SRGAP1: variants seen among roughly 807,000 people sequenced by gnomAD.
The protein encoded by SRGAP1 is SLIT-ROBO Rho GTPase-activating protein 1.
In SRGAP1, 43 loss-of-function variants were observed where a neutral mutation model predicts 121.9. That is an observed-to-expected ratio of 0.35 (90% CI 0.28 to 0.46). The LOEUF (loss-of-function observed/expected upper bound fraction) is 0.46. SRGAP1 is among the 20% of genes least tolerant of loss of function. The pLI, the probability that SRGAP1 is intolerant of heterozygous loss-of-function variation, is 1.00. For missense variants in SRGAP1, 1,102 were observed against 1,350.9 expected (o/e 0.82, Z 2.89); for synonymous variants, 447 against 485.4 (o/e 0.92, Z 1.04).
intron 1 of SRGAP1, among the ~76,000 whole-genome samples, chr12:63,867,794 C>T (rs898134116): frequency 6.6e-6 from 1 of 151,382 alleles, no homozygotes; most frequent in Non-Finnish European, 1.5e-5. Context: ...CACTCATTTC[C>T]AAATAAGTTG....
intron 1 of SRGAP1, among the ~76,000 whole-genome samples, chr12:63,866,402 A>C (rs963527653): frequency 5.3e-5 from 8 of 152,186 alleles, no homozygotes; most frequent in Non-Finnish European, 8.8e-5. Context: ...CTTGAATATC[A>C]CTCGAATCTG....
chr12:64,127,911 C>T lies in SRGAP1; in HGVS notation c.2591C>T (p.Thr864Ile), dbSNP rs2036721807. 4 of 1,614,118 alleles carry T rather than the reference C, an allele frequency of 2.5e-6. No individual in the cohort carries two copies. Among genetic ancestry groups the T allele is most frequent in the Non-Finnish European group, 3.4e-6 (4 of 1,179,986 alleles). Residue 864 changes from threonine (T) to isoleucine (I), a missense_variant, in exon 21 of 22, where the codon ACC becomes ATC. Thr to Ile is a moderately conservative substitution (Grantham distance 89, BLOSUM62 -1). Around this residue, in one of 3 missense-constraint regions of SRGAP1, gnomAD observed 315 missense variants for 343.1 expected, o/e 0.92. Transcript: ENST00000355086. ...CCTCCAGTAAGGCGTCCTGGCAGGA[C>T]CAGTGATGGCCATTGCCCGCTCCAC... Reference protein sequence around the residue: ...PPPPVRRPGRTSDGHCPLHPP... With the variant: ...PPPPVRRPGRISDGHCPLHPP...
chr12:63,868,079 GTTTT>G, intron 1 of SRGAP1, among the ~76,000 whole-genome samples: 1 of 63,474 alleles, frequency 1.6e-5, no homozygotes, highest in African/African-American at 6.4e-5. Context: ...TTTTTTTTTT[GTTTT>G]TTTTTTTTTG....
chr12:64,087,011 A>G lies in SRGAP1; in HGVS notation c.1421A>G (p.Glu474Gly), dbSNP rs772713270. Residue 474 changes from glutamate (E) to glycine (G), a missense_variant, in exon 11 of 22, where the codon GAA becomes GGA. By Grantham distance (98) the Glu-to-Gly change is moderately conservative. Transcript: ENST00000355086. ...QRTLGEGHRA[E>G]YMTTRPPNVP... ...TTTTTTCCTGCAGGTCATAGAGCTG[A>G]ATATATGACTACAAGGTAGGAAAAT... 4 of 1,595,478 alleles carry G rather than the reference A, an allele frequency of 2.5e-6. No individual in the cohort carries two copies. Among genetic ancestry groups the G allele is most frequent in the Middle Eastern group, 1.8e-4 (1 of 5,682 alleles).
At chr12:64,132,483 C>A (rs1183221540) in intron 21 of SRGAP1, among the ~76,000 whole-genome samples, 3 of 152,184 alleles carry the variant, frequency 2.0e-5, no homozygotes, top group African/African-American at 7.2e-5. Flanking sequence ...CGTGTTGCCT[C>A]CAAAATCCAA....
At chr12:63,974,392 G>A (rs2033037955) in intron 1 of SRGAP1, among the ~76,000 whole-genome samples, 1 of 152,046 alleles carries the variant, frequency 6.6e-6, no homozygotes, top group Non-Finnish European at 1.5e-5. Context: ...ACAAATGAAG[G>A]TATTGTAATG....
intron 10 of SRGAP1, chr12:64,082,001 C>CTTTTTTTTTTTTTATTTTTTTTTTTTT (rs2035853573): frequency 1.5e-5 from 1 of 66,124 alleles, no homozygotes; most frequent in African/African-American, 6.5e-5. Context: ...CATGTAAGGT[C>CTTTTTTTTTTTTTATTTTTTTTTTTTT]TTTTTTTTTT....
At chr12:63,897,787 T>G (rs2136303017) in intron 1 of SRGAP1, among the ~76,000 whole-genome samples, 1 of 152,360 alleles carries the variant, frequency 6.6e-6, no homozygotes, top group East Asian at 1.9e-4. Flanking sequence ...CACAGTTAAC[T>G]AATCCAGTCT....
chr12:64,035,524 C>T (rs1384904017), intron 4 of SRGAP1, among the ~76,000 whole-genome samples: 1 of 152,072 alleles, frequency 6.6e-6, no homozygotes, highest in East Asian at 1.9e-4. Context: ...TACATTGCAC[C>T]CTGAAACCTG....
At chr12:63,966,814 C>T (rs2032802497) in intron 1 of SRGAP1, among the ~76,000 whole-genome samples, 1 of 152,138 alleles carries the variant, frequency 6.6e-6, no homozygotes. Flanking sequence ...AGTAAATCGG[C>T]TCCCCTTCTG....
chr12:64,030,376 A>G (rs1337572800), intron 4 of SRGAP1, among the ~76,000 whole-genome samples: 1 of 152,254 alleles, frequency 6.6e-6, no homozygotes, highest in Non-Finnish European at 1.5e-5. Context: ...GCCTGCCTCC[A>G]ATAACTGCTG....
chr12:63,892,984 C>G (rs1900637412), intron 1 of SRGAP1, among the ~76,000 whole-genome samples: 1 of 152,084 alleles, frequency 6.6e-6, no homozygotes, highest in African/African-American at 2.4e-5. Flanking sequence ...CTGAGCTCGG[C>G]TGTTCAGTTA....
At chr12:63,876,744 C>T (rs1192836944) in intron 1 of SRGAP1, among the ~76,000 whole-genome samples, 2 of 152,268 alleles carry the variant, frequency 1.3e-5, no homozygotes, top group East Asian at 1.9e-4. Flanking sequence ...AAAAATCAGT[C>T]ACCAACTAGA....
chr12:63,977,576 G>T (rs963299937), intron 1 of SRGAP1, among the ~76,000 whole-genome samples: 6 of 152,118 alleles, frequency 3.9e-5, no homozygotes, highest in Non-Finnish European at 8.8e-5. Context: ...CTTTCTGAGA[G>T]CAATAGCAAG....
chr12:64,078,581 A>G (rs904761385), intron 8 of SRGAP1, among the ~76,000 whole-genome samples: 2 of 152,230 alleles, frequency 1.3e-5, no homozygotes, highest in Non-Finnish European at 2.9e-5. Context: ...GTGATAATTC[A>G]TCATCAAGCT....
Position 63,868,072 on chromosome 12 carries a change from TTTTTTTGTTTTTTTTTTTTTG to T in SRGAP1, c.67+23197_67+23217del, listed in dbSNP as rs1436174328. The stretch of plus-strand genomic sequence containing the variant: ...TATATATATATTTTTTTTTTTTTTT[TTTTTTTGTTTTTTTTTTTTTG>T]TTTTTTGAGATAGAGTTTCACTCTG... On this transcript the variant is annotated intron_variant, in intron 1 of 21. Transcript: ENST00000355086. Among the ~76,000 whole-genome samples, 279 of 97,988 alleles carry T rather than the reference TTTTTTTGTTTTTTTTTTTTTG, an allele frequency of 2.8e-3. 2 individuals are homozygous for T. The East Asian group carries it at 0.029, about 10-fold the overall frequency. The allele number at this position is 97,988 out of a possible 152,430, so 64.3% of individuals were successfully genotyped here.
At chr12:63,874,755 C>G (rs974417048) in intron 1 of SRGAP1, among the ~76,000 whole-genome samples, 5 of 151,904 alleles carry the variant, frequency 3.3e-5, no homozygotes, top group Non-Finnish European at 7.4e-5. Context: ...GAATGCCTGG[C>G]CTTATAGTGA....
chr12:64,142,074 G>C (rs1369655986), intron 21 of SRGAP1, among the ~76,000 whole-genome samples: 2 of 152,152 alleles, frequency 1.3e-5, no homozygotes, highest in Non-Finnish European at 2.9e-5. Flanking sequence ...GCCATTGTTT[G>C]ATACATGGCT....
intron 1 of SRGAP1, among the ~76,000 whole-genome samples, chr12:63,961,924 G>A (rs1317926844): frequency 6.6e-6 from 1 of 152,186 alleles, no homozygotes; most frequent in African/African-American, 2.4e-5. Context: ...ACCTTTCAGG[G>A]GAGGAGACAT....
Sources: gnomAD v4.1 joint callset for allele counts (sites outside exome capture counted in the v4.1 genomes callset) on GRCh38, gnomAD v4.1.1 for gene constraint, gnomAD v4.1.1 regional missense constraint, MANE v1.5 for transcripts, NCBI Gene and HGNC (gene_info 2026-07-23, HGNC 2026-07-21) for gene names.